Variants in NCKAP5 observed in about 807,000 individuals in gnomAD.
The protein encoded by NCKAP5 is NCK associated protein 5, also known as nck-associated protein 5.
A neutral mutation model predicts 167.0 loss-of-function variants in NCKAP5; 92 were observed. The ratio of observed to expected loss-of-function variants is 0.55; its 90% confidence interval spans 0.47 to 0.66. The LOEUF is 0.66. Among genes scored for constraint, NCKAP5 ranks in the 30% least tolerant of loss-of-function variants. The pLI, the probability that NCKAP5 is intolerant of heterozygous loss-of-function variation, is 0.00. For synonymous variants in NCKAP5, 891 were observed against 877.4 expected, an observed-to-expected ratio of 1.02 and a Z score of -0.27; for missense variants, 2,378 against 2,315.0, an observed-to-expected ratio of 1.03 and a Z score of -0.56.
At chr2:133,575,118 T>C in the NCKAP5 span, among the ~76,000 whole-genome samples, 1 of 152,188 alleles carries the variant, frequency 6.6e-6, no homozygotes, top group Non-Finnish European at 1.5e-5. Context: ...GGAGAAATGG[T>C]CATTTGTCCA....
At chr2:132,874,159 A>C (rs1250085446) in intron 9 of NCKAP5, among the ~76,000 whole-genome samples, 1 of 127,564 alleles carries the variant, frequency 7.8e-6, no homozygotes, top group Non-Finnish European at 1.5e-5. Context: ...CCCAGGCTGG[A>C]GTGCAGTGGC....
At chr2:133,506,522 T>C (rs1683022381) in intron 3 of NCKAP5, among the ~76,000 whole-genome samples, 1 of 152,084 alleles carries the variant, frequency 6.6e-6, no homozygotes. Flanking sequence ...GACAAGACAG[T>C]GTGAGGAGAA....
At chr2:133,506,708 G>C (rs904540451) in intron 3 of NCKAP5, among the ~76,000 whole-genome samples, 1 of 152,106 alleles carries the variant, frequency 6.6e-6, no homozygotes, top group Non-Finnish European at 1.5e-5. Flanking sequence ...GCTGCAGGAG[G>C]CTCCATTATT....
intron 16 of NCKAP5, among the ~76,000 whole-genome samples, chr2:132,760,563 C>T (rs765363606): frequency 2.6e-5 from 4 of 151,920 alleles, no homozygotes; most frequent in African/African-American, 9.7e-5. Context: ...AGGACTCATT[C>T]TGTGTATTAT....
At chr2:133,165,363 C>T (rs72617006) in intron 5 of NCKAP5, among the ~76,000 whole-genome samples, 9,701 of 152,244 alleles carry the variant, frequency 0.064, 391 homozygotes, top group East Asian at 0.18. Flanking sequence ...TCCTGGGTAC[C>T]TTCAAGAAAC....
At chr2:133,159,723 T>G (rs926993175) in intron 5 of NCKAP5, among the ~76,000 whole-genome samples, 2 of 152,174 alleles carry the variant, frequency 1.3e-5, no homozygotes, top group African/African-American at 4.8e-5. Flanking sequence ...TTAAATTGAT[T>G]GAATAAAGAT....
chr2:133,195,174 C>T (rs2085385782), intron 5 of NCKAP5, among the ~76,000 whole-genome samples: 1 of 151,976 alleles, frequency 6.6e-6, no homozygotes, highest in South Asian at 2.1e-4. Context: ...AGCTGTGTGC[C>T]AGGACAACAT....
intron 3 of NCKAP5, among the ~76,000 whole-genome samples, chr2:133,465,039 G>C (rs975714312): frequency 6.6e-6 from 1 of 151,328 alleles, no homozygotes; most frequent in Non-Finnish European, 1.5e-5. Context: ...TTAAGTTTTA[G>C]GGTACATGTG....
At chr2:132,778,611 C>A (rs998543172) in intron 15 of NCKAP5, among the ~76,000 whole-genome samples, 1 of 152,126 alleles carries the variant, frequency 6.6e-6, no homozygotes, top group African/African-American at 2.4e-5. Context: ...ATACGTAGTG[C>A]ATTGCATATA....
intron 8 of NCKAP5, among the ~76,000 whole-genome samples, chr2:132,880,686 C>T (rs1273528707): frequency 6.6e-6 from 1 of 152,076 alleles, no homozygotes; most frequent in Non-Finnish European, 1.5e-5. Context: ...GCCTCAAATA[C>T]TGTGACACAA....
chr2:133,309,106 C>T (rs973257667), intron 3 of NCKAP5, among the ~76,000 whole-genome samples: 3 of 152,098 alleles, frequency 2.0e-5, no homozygotes, highest in Non-Finnish European at 4.4e-5. Flanking sequence ...TGCACAATCC[C>T]TCTTATCACA....
rs1684627552 is a variant in NCKAP5, at chr2:132,796,638, G to A, written c.899C>T (p.Ala300Val). Residue 300 changes from alanine (A) to valine (V), a missense_variant, in exon 12 of 20, where the codon GCT becomes GTT. Physicochemically the swap from Ala to Val is moderately conservative, Grantham distance 64 (BLOSUM62 0). Transcript: ENST00000409261. ...NRSLTQSRTD[A>V]EVHEHQLNTK... ...AACTGGGAAACTCACGTGCACCTCAGCATCAGTTCGTGACTGTGTCAGACT... is the reference window on the plus strand; with the variant it reads ...AACTGGGAAACTCACGTGCACCTCAACATCAGTTCGTGACTGTGTCAGACT... 1 of 1,611,202 alleles carries A rather than the reference G, an allele frequency of 6.2e-7. No individual in the cohort carries two copies. The highest frequency in any genetic ancestry group is 8.5e-7 in the Non-Finnish European group (1 of 1,178,080).
At chr2:133,525,494 C>A (rs1684795578) in intron 2 of NCKAP5, among the ~76,000 whole-genome samples, 1 of 152,132 alleles carries the variant, frequency 6.6e-6, no homozygotes, top group Non-Finnish European at 1.5e-5. Flanking sequence ...TTTCAACATG[C>A]AGCTCAGTGA....
At chr2:133,528,541 G>A (rs1685105630) in intron 2 of NCKAP5, among the ~76,000 whole-genome samples, 1 of 152,134 alleles carries the variant, frequency 6.6e-6, no homozygotes, top group African/African-American at 2.4e-5. Context: ...TCTGGCCTGT[G>A]GGTTGTACTT....
intron 3 of NCKAP5, among the ~76,000 whole-genome samples, chr2:133,369,829 GT>G (rs1205258926): frequency 6.6e-6 from 1 of 152,204 alleles, no homozygotes. Context: ...GAAAATACAA[GT>G]AGTTACATCT....
chr2:133,348,252 T>A (rs1684113532), intron 3 of NCKAP5, among the ~76,000 whole-genome samples: 1 of 152,190 alleles, frequency 6.6e-6, no homozygotes, highest in African/African-American at 2.4e-5. Context: ...ATTAAAAATT[T>A]AAAAATTCTT....
At chr2:133,431,835 CAA>C (rs1311583299) in intron 3 of NCKAP5, 2 of 152,008 alleles carry the variant, frequency 1.3e-5, no homozygotes, top group Non-Finnish European at 2.9e-5. Context: ...AAGAAACAAA[CAA>C]TAAGTTTTAC....
rs947197200 is a variant in NCKAP5, at chr2:132,942,737, T to C, written c.579+20983A>G. ...CCAACAGATGACATGACCACTCAGG[T>C]ATTCCGCTACATCAAGCAAAATTCA... On this transcript the variant is annotated intron_variant, in intron 8 of 19. Coordinates refer to ENST00000409261, the MANE Select transcript of NCKAP5 (RefSeq NM_207363.3). Among the ~76,000 whole-genome samples the C allele has an allele frequency of 2.0e-5, 3 of 152,146 alleles. No homozygotes were observed. The South Asian group carries it at 6.2e-4, about 32-fold the overall frequency.
At chr2:132,771,678 G>GAT (rs1553433554) in intron 16 of NCKAP5, among the ~76,000 whole-genome samples, 1 of 142,784 alleles carries the variant, frequency 7.0e-6, no homozygotes, top group East Asian at 2.0e-4. Flanking sequence ...GATGCTAATT[G>GAT]TTTTTTTTTT....
Sources: allele counts gnomAD v4.1 joint callset (sites outside exome capture counted in the v4.1 genomes callset), GRCh38; gene constraint gnomAD v4.1.1; transcripts MANE v1.5; gene names NCBI Gene and HGNC (gene_info 2026-07-23, HGNC 2026-07-21).